Variants in GBE1 observed in about 807,000 individuals in gnomAD.
The protein encoded by GBE1 is 1,4-alpha-glucan-branching enzyme.
Under a neutral mutation model 88.8 loss-of-function variants are expected in GBE1, and 70 were observed. The observed-to-expected ratio is 0.79, with a 90% CI of 0.65 to 0.96. The LOEUF is 0.96. Ranked by LOEUF, GBE1 falls within the 40% of genes least tolerant of loss-of-function variation. The pLI is 0.00. For synonymous variants in GBE1, 284 were observed against 300.1 expected, an observed-to-expected ratio of 0.95 and a Z score of 0.56; for missense variants, 872 against 871.0, an observed-to-expected ratio of 1.00 and a Z score of -0.01.
At chr3:81,611,465 G>GCACAC (rs1196579627) in intron 7 of GBE1, among the ~76,000 whole-genome samples, 1 of 152,128 alleles carries the variant, frequency 6.6e-6, no homozygotes, top group Non-Finnish European at 1.5e-5. Context: ...ATATTCAAAG[G>GCACAC]CACACGATGT....
At chr3:81,722,476 ATAT>A (rs1215332487) in intron 1 of GBE1, among the ~76,000 whole-genome samples, 1 of 152,024 alleles carries the variant, frequency 6.6e-6, no homozygotes. Context: ...CAAAGACAAA[ATAT>A]TAAGTAAATT....
chr3:81,580,102 A>C (rs1703702138), intron 11 of GBE1, among the ~76,000 whole-genome samples: 1 of 152,184 alleles, frequency 6.6e-6, no homozygotes. Context: ...AAAATGATAG[A>C]GAAACTTATT....
Position 81,496,983 on chromosome 3 carries a change from C to G in GBE1, c.2052+2127G>C, listed in dbSNP as rs186764637. Among the ~76,000 whole-genome samples the G allele has an allele frequency of 3.7e-4, 57 of 152,294 alleles. No individual in the cohort carries two copies. The East Asian group carries it at 7.5e-3, about 20-fold the overall frequency. On this transcript the variant is annotated intron_variant, in intron 15 of 15. Transcript: ENST00000429644. Reference sequence around the variant, plus strand: ...CAATTCTGTTGCAGGCAGCATTCAGCTCTTTTCTGTTTCCCATGTCCTTGC... The same window carrying G: ...CAATTCTGTTGCAGGCAGCATTCAGGTCTTTTCTGTTTCCCATGTCCTTGC...
chr3:81,571,534 T>TATATA (rs1251254420), intron 12 of GBE1, among the ~76,000 whole-genome samples: 3 of 152,196 alleles, frequency 2.0e-5, no homozygotes, highest in South Asian at 2.1e-4. Context: ...TTTCGAGGTA[T>TATATA]ACCCGGAGAG....
chr3:81,581,385 A>C (rs767184816), intron 10 of GBE1, 110 bp from the exon 11 acceptor site: 1 of 634,934 alleles, frequency 1.6e-6, no homozygotes, highest in African/African-American at 1.9e-5. Flanking sequence ...TGATAAGCAC[A>C]TATTAGTCCA....
At position 81,597,651 on chromosome 3, in the gene GBE1, A is replaced by AC. The variant is rs1703978351; in HGVS notation, c.993-3629_993-3628insG. On this transcript the variant is annotated intron_variant, in intron 7 of 15. Transcript: ENST00000429644. The stretch of plus-strand genomic sequence containing the variant: ...CAATTGATTAGCACACTCCCAATTT[A>AC]TTTTTTGGAGCAAAACAAAATCTGT... 8.6e-5 allele frequency among the ~76,000 whole-genome samples: 13 copies of AC among 151,010 alleles called. No individual in the cohort carries two copies. The South Asian group carries it at 2.7e-3, about 31-fold the overall frequency.
intron 12 of GBE1, among the ~76,000 whole-genome samples, chr3:81,557,615 C>G (rs1703364645): frequency 6.6e-6 from 1 of 151,906 alleles, no homozygotes. Context: ...AGCAAGATAA[C>G]CAGGTAGAGA....
intron 9 of GBE1, among the ~76,000 whole-genome samples, chr3:81,589,573 TG>T (rs1703848513): frequency 1.3e-5 from 2 of 151,698 alleles, no homozygotes; most frequent in African/African-American, 4.8e-5. Context: ...AAAGTTTCAT[TG>T]GTAGAAACAC....
chr3:81,623,133 A>G (rs1174806584), intron 7 of GBE1, among the ~76,000 whole-genome samples: 1 of 152,196 alleles, frequency 6.6e-6, no homozygotes, highest in African/African-American at 2.4e-5. Context: ...AGAAAACTGA[A>G]TCTCCTTACA....
chr3:81,633,640 G>T (rs2107040418), intron 7 of GBE1, among the ~76,000 whole-genome samples: 1 of 152,150 alleles, frequency 6.6e-6, no homozygotes, highest in Non-Finnish European at 1.5e-5. Context: ...TTAAAATCAA[G>T]GAGATATTAC....
At chr3:81,685,268 C>T (rs375894233) in intron 2 of GBE1, among the ~76,000 whole-genome samples, 1 of 152,294 alleles carries the variant, frequency 6.6e-6, no homozygotes, top group East Asian at 1.9e-4. Context: ...CTGATAAGTG[C>T]AGGCACCTTT....
intron 12 of GBE1, among the ~76,000 whole-genome samples, chr3:81,541,867 T>C (rs1703146571): frequency 1.3e-5 from 2 of 152,098 alleles, no homozygotes; most frequent in African/African-American, 2.4e-5. Context: ...TTTAGAAGCA[T>C]ATACGATACA....
chr3:81,511,134 A>G (rs1057065149), intron 14 of GBE1, among the ~76,000 whole-genome samples: 5 of 152,000 alleles, frequency 3.3e-5, no homozygotes, highest in South Asian at 2.1e-4. Flanking sequence ...ATGAAGAAGA[A>G]TGATAGTAGA....
chr3:81,578,862 C>A (rs1703684117), intron 11 of GBE1, among the ~76,000 whole-genome samples: 1 of 151,882 alleles, frequency 6.6e-6, no homozygotes, highest in Non-Finnish European at 1.5e-5. Flanking sequence ...AATCTCAGTA[C>A]CCTATTACAA....
intron 2 of GBE1, among the ~76,000 whole-genome samples, chr3:81,704,437 TAAAACATTTTCACCACCCCAA>T (rs1705743010): frequency 6.6e-6 from 1 of 152,000 alleles, no homozygotes; most frequent in Admixed American, 6.6e-5. Flanking sequence ...AATCAGGATA[TAAAACATTTTCACCACCCCAA>T]AAATTCCCTC....
chr3:81,607,763 T>C (rs532951682), intron 7 of GBE1, among the ~76,000 whole-genome samples: 5 of 152,212 alleles, frequency 3.3e-5, no homozygotes, highest in Admixed American at 6.5e-5. Context: ...TAAAATGTCA[T>C]CCATTATGCA....
chr3:81,672,023 T>C (rs1002129320), intron 2 of GBE1, among the ~76,000 whole-genome samples: 5 of 152,014 alleles, frequency 3.3e-5, no homozygotes, highest in Admixed American at 6.6e-5. Flanking sequence ...GACACTTGAA[T>C]GGCCAATAAA....
At chr3:81,629,021 T>G in intron 7 of GBE1, among the ~76,000 whole-genome samples, 2 of 141,226 alleles carry the variant, frequency 1.4e-5, no homozygotes, top group South Asian at 4.3e-4. Context: ...TGTTTAAGTT[T>G]TTTTTTTTTT....
At chr3:81,578,299 G>T (rs555158251) in intron 11 of GBE1, among the ~76,000 whole-genome samples, 7 of 151,934 alleles carry the variant, frequency 4.6e-5, no homozygotes, top group Non-Finnish European at 7.4e-5. Flanking sequence ...CAACACATTT[G>T]TTTTCAGGAC....
Sources: gnomAD v4.1 joint callset for allele counts (sites outside exome capture counted in the v4.1 genomes callset) on GRCh38, gnomAD v4.1.1 for gene constraint, MANE v1.5 for transcripts, NCBI Gene and HGNC (gene_info 2026-07-23, HGNC 2026-07-21) for gene names.